The following GRIK4 variants were observed in gnomAD, a reference collection of about 807,000 sequenced individuals.
GRIK4 encodes glutamate ionotropic receptor kainate type subunit 4.
Under a neutral mutation model 104.9 loss-of-function variants are expected in GRIK4, and 40 were observed. The ratio of observed to expected loss-of-function variants is 0.38; its 90% CI spans 0.30 to 0.50. The LOEUF (loss-of-function observed/expected upper bound fraction) is 0.50, where lower values mean the gene tolerates loss of function less well. Among genes scored for constraint, GRIK4 ranks in the 20% least tolerant of loss-of-function variants. The pLI is 0.93. For missense variants in GRIK4, 1,047 were observed against 1,308.1 expected, an observed-to-expected ratio of 0.80 and a Z score of 3.08; for synonymous variants, 485 against 524.9, an observed-to-expected ratio of 0.92 and a Z score of 1.04.
In GRIK4 at chr11:120,580,746, A is replaced by G. The variant is rs181633739; in HGVS notation, c.-159+68859A>G. On this transcript the variant is annotated intron_variant, in intron 1 of 20. Transcript: ENST00000527524. ...ACTGCACCCGGTTTTGAGTACAGACATTGATGTGAACCTAAGTTTTCATTT... is the reference window on the plus strand; with the variant it reads ...ACTGCACCCGGTTTTGAGTACAGACGTTGATGTGAACCTAAGTTTTCATTT... Among the ~76,000 whole-genome samples the G allele has an allele frequency of 1.7e-4, 26 of 152,174 alleles. No homozygotes were observed. In the East Asian group the frequency reaches 4.8e-3, roughly 28 times the overall value.
chr11:120,885,900 C>T (rs1021432728), intron 11 of GRIK4, among the ~76,000 whole-genome samples: 8 of 152,180 alleles, frequency 5.3e-5, no homozygotes, highest in Admixed American at 3.3e-4. Flanking sequence ...TTTTCGCCGT[C>T]ACTGGAATCT....
intron 8 of GRIK4, among the ~76,000 whole-genome samples, chr11:120,854,711 G>A (rs892630037): frequency 5.3e-5 from 8 of 152,116 alleles, no homozygotes; most frequent in South Asian, 2.1e-4. Context: ...TAAGGAGTCT[G>A]TATCATACTT....
intron 1 of GRIK4, among the ~76,000 whole-genome samples, chr11:120,639,344 G>C (rs1176547458): frequency 6.6e-6 from 1 of 152,226 alleles, no homozygotes; most frequent in Non-Finnish European, 1.5e-5. Context: ...GCTTATCCTG[G>C]AACCATCTGA....
intron 3 of GRIK4, among the ~76,000 whole-genome samples, chr11:120,676,275 A>C (rs1377869633): frequency 6.6e-6 from 1 of 152,122 alleles, no homozygotes; most frequent in Non-Finnish European, 1.5e-5. Context: ...ATTCGATTGA[A>C]TCTCCCAGGA....
chr11:120,636,646 C>T (rs556136299), intron 1 of GRIK4, among the ~76,000 whole-genome samples: 15 of 152,246 alleles, frequency 9.9e-5, no homozygotes, highest in East Asian at 9.7e-4. Flanking sequence ...TCGAGACCAT[C>T]CTGGCCAACA....
intron 19 of GRIK4, among the ~76,000 whole-genome samples, chr11:120,974,890 T>C (rs760631238): frequency 2.0e-5 from 3 of 152,236 alleles, no homozygotes; most frequent in Non-Finnish European, 4.4e-5. Flanking sequence ...AAAACACTTA[T>C]TTATTTATTT....
intron 9 of GRIK4, chr11:120,872,417 G>C (rs998486463): frequency 6.2e-6 from 1 of 161,428 alleles, no homozygotes; most frequent in African/African-American, 2.4e-5. Flanking sequence ...ACCGTGGAGG[G>C]GCCGGTGTCC....
chr11:120,695,115 G>A (rs1950421621), intron 3 of GRIK4, among the ~76,000 whole-genome samples: 1 of 152,176 alleles, frequency 6.6e-6, no homozygotes, highest in Admixed American at 6.5e-5. Flanking sequence ...AGCCAGGGAT[G>A]CCCCCAGCCC....
intron 12 of GRIK4, among the ~76,000 whole-genome samples, chr11:120,901,181 C>T (rs562557323): frequency 3.9e-5 from 6 of 152,164 alleles, no homozygotes; most frequent in African/African-American, 9.7e-5. Context: ...TCCTTCCTTA[C>T]AATCCTTCAG....
chr11:120,532,711 C>T (rs1028467767), intron 1 of GRIK4, among the ~76,000 whole-genome samples: 6 of 152,164 alleles, frequency 3.9e-5, no homozygotes, highest in Admixed American at 6.5e-5. Flanking sequence ...GTTACTAGTC[C>T]CTCCCAAGTG....
intron 3 of GRIK4, among the ~76,000 whole-genome samples, chr11:120,718,366 TA>T (rs1318642364): frequency 6.6e-6 from 1 of 152,174 alleles, no homozygotes; most frequent in African/African-American, 2.4e-5. Flanking sequence ...GAGGCATCCA[TA>T]TTCAGGAGAG....
chr11:120,566,875 G>GT (rs1948331619), intron 1 of GRIK4, among the ~76,000 whole-genome samples: 3 of 148,796 alleles, frequency 2.0e-5, no homozygotes, highest in Middle Eastern at 7.0e-3. Context: ...GCTAATTTTT[G>GT]TTTTTTGTAT....
At chr11:120,762,969 A>T (rs1050121713) in intron 3 of GRIK4, among the ~76,000 whole-genome samples, 2 of 152,194 alleles carry the variant, frequency 1.3e-5, no homozygotes, top group African/African-American at 4.8e-5. Context: ...AAAATGAGAT[A>T]GGGAGGAGTC....
At chr11:120,883,223 G>A (rs1395602455) in intron 11 of GRIK4, among the ~76,000 whole-genome samples, 2 of 152,140 alleles carry the variant, frequency 1.3e-5, no homozygotes. Flanking sequence ...TGTGCTGTCC[G>A]GGCCTAAGGA....
At chr11:120,603,815 G>A (rs1181204970) in intron 1 of GRIK4, among the ~76,000 whole-genome samples, 1 of 152,068 alleles carries the variant, frequency 6.6e-6, no homozygotes, top group African/African-American at 2.4e-5. Flanking sequence ...GCACGTGGTG[G>A]GTGGAGGTGG....
rs556337925 is a variant in GRIK4, at chr11:120,558,354, G to A, written c.-159+46467G>A. ...TGTAATCCCAGCACTTTGGGAGGCC[G>A]AGGTGGGCGGATCATGATGTCAGGA... On this transcript the variant is annotated intron_variant, in intron 1 of 20. Transcript: ENST00000527524. Among the ~76,000 whole-genome samples, 46 of 152,302 alleles carry A rather than the reference G, an allele frequency of 3.0e-4. No homozygotes were observed. The East Asian group carries it at 4.6e-3, about 15-fold the overall frequency.
chr11:120,556,742 C>A (rs942178109), intron 1 of GRIK4, among the ~76,000 whole-genome samples: 1 of 152,190 alleles, frequency 6.6e-6, no homozygotes, highest in Non-Finnish European at 1.5e-5. Flanking sequence ...AAGAGGAACA[C>A]GTTTTTAAAA....
chr11:120,524,973 G>A lies in GRIK4; in HGVS notation c.-159+13086G>A, dbSNP rs1321765484. 6.6e-6 allele frequency among the ~76,000 whole-genome samples: 1 copy of A among 152,114 alleles called. No homozygotes were observed. The highest frequency in any genetic ancestry group is 2.4e-5 in the African/African-American group (1 of 41,410). On this transcript the variant is annotated intron_variant, in intron 1 of 20. Transcript: ENST00000527524. The surrounding 1 kb of genome is among the most constrained non-coding windows in gnomAD (Gnocchi z 4.5). ...TTCTTGGCTTCTGGAGCCCATCAGGGGCTGCACCATGAATGCCCAGTGACT... is the reference window on the plus strand; with the variant it reads ...TTCTTGGCTTCTGGAGCCCATCAGGAGCTGCACCATGAATGCCCAGTGACT...
chr11:120,908,146 C>T (rs1023304919), intron 13 of GRIK4, among the ~76,000 whole-genome samples: 3 of 152,130 alleles, frequency 2.0e-5, no homozygotes, highest in Non-Finnish European at 4.4e-5. Flanking sequence ...GTCCCTTATA[C>T]AGATGAGGAA....
Sources: gnomAD v4.1 joint callset for allele counts (sites outside exome capture counted in the v4.1 genomes callset) on GRCh38, gnomAD v4.1.1 for gene constraint, Gnocchi (gnomAD v3.1) non-coding constraint, MANE v1.5 for transcripts, NCBI Gene and HGNC (gene_info 2026-07-23, HGNC 2026-07-21) for gene names.